RASSF6: variants seen among roughly 807,000 people sequenced by gnomAD.
The protein encoded by RASSF6 is Ras association domain family member 6.
RASSF6 carries 52 observed loss-of-function variants against 44.0 expected under a neutral mutation model. The ratio of observed to expected loss-of-function variants is 1.18; its 90% CI spans 0.95 to 1.49. The LOEUF (loss-of-function observed/expected upper bound fraction) is 1.49. Ranked by LOEUF, RASSF6 falls within the 40% of genes most tolerant of loss-of-function variation. RASSF6 has a pLI of 0.00. For missense variants in RASSF6, 464 were observed against 393.3 expected (o/e 1.18, Z -1.52); for synonymous variants, 162 against 124.6 (o/e 1.30, Z -2.00).
rs1723262179 is a variant in RASSF6 at position 73,576,727 on chromosome 4, T to C, written c.726A>G (p.Gln242=). 2 of 1,590,192 alleles carry C rather than the reference T, an allele frequency of 1.3e-6. No individual in the cohort carries two copies. Among genetic ancestry groups the C allele is most frequent in the East Asian group, 4.5e-5 (2 of 44,668 alleles). ...GAATGTCTGTCTTCTTTAGTCGTCT[T>C]TGTTCTGCAGTGAAAACAAGAATCA... ...ALHIIFATGE[Q]RRLKKTDIPL... is the part of the protein sequence containing the mutation. The change falls in exon 9 of 11, where the codon CAA becomes CAG. Residue 242 remains glutamine (Q), a synonymous_variant. Transcript: ENST00000307439.
intron 4 of RASSF6, among the ~76,000 whole-genome samples, chr4:73,590,826 G>T (rs1397762234): frequency 6.6e-6 from 1 of 152,204 alleles, no homozygotes; most frequent in African/African-American, 2.4e-5. Flanking sequence ...GGACAAGCCA[G>T]TCAAGGTTTC....
intron 2 of RASSF6, among the ~76,000 whole-genome samples, chr4:73,601,967 CT>C (rs1264023732): frequency 1.3e-5 from 2 of 152,070 alleles, no homozygotes; most frequent in African/African-American, 4.8e-5. Context: ...TGGGTGAGAG[CT>C]TTAAGGAATA....
intron 1 of RASSF6, among the ~76,000 whole-genome samples, chr4:73,617,523 T>C (rs770684560): frequency 1.3e-5 from 2 of 152,246 alleles, no homozygotes; most frequent in Non-Finnish European, 2.9e-5. Flanking sequence ...ATTCTTAGGC[T>C]GACGTCACAA....
chr4:73,587,568 G>A (rs1284036343), intron 5 of RASSF6, among the ~76,000 whole-genome samples: 4 of 151,764 alleles, frequency 2.6e-5, no homozygotes, highest in Non-Finnish European at 5.9e-5. Context: ...AAAACTATTA[G>A]CTCTCCCTAT....
intron 2 of RASSF6, among the ~76,000 whole-genome samples, chr4:73,602,167 G>A (rs1487605852): frequency 1.3e-5 from 2 of 152,228 alleles, no homozygotes; most frequent in African/African-American, 4.8e-5. Flanking sequence ...CAATGAATGA[G>A]CCCCGTGAAC....
At chr4:73,595,871 G>A (rs1724906885) in intron 3 of RASSF6, among the ~76,000 whole-genome samples, 2 of 152,144 alleles carry the variant, frequency 1.3e-5, no homozygotes, top group African/African-American at 4.8e-5. Flanking sequence ...GGAAAGGCCA[G>A]AGTGCTTTGT....
chr4:73,584,201 C>A (rs910953477), intron 6 of RASSF6, among the ~76,000 whole-genome samples: 1 of 152,042 alleles, frequency 6.6e-6, no homozygotes, highest in Non-Finnish European at 1.5e-5. Flanking sequence ...CAAAGACACA[C>A]TATCGTTACC....
intron 2 of RASSF6, 120 bp downstream of exon 2, chr4:73,611,611 T>A: frequency 1.8e-6 from 1 of 560,488 alleles, no homozygotes; most frequent in South Asian, 3.2e-5. Context: ...ATCTAGTATC[T>A]CTACTGATGA....
intron 3 of RASSF6, 66 bp from the exon 4 acceptor site, chr4:73,593,659 G>A: frequency 7.3e-7 from 1 of 1,370,956 alleles, no homozygotes; most frequent in South Asian, 1.3e-5. Context: ...ATGTTTTAAC[G>A]AAGATGTAGA....
intron 7 of RASSF6, 74 bp from the exon 8 acceptor site, chr4:73,581,942 A>G: frequency 9.1e-7 from 1 of 1,098,318 alleles, no homozygotes; most frequent in Non-Finnish European, 1.4e-6. Flanking sequence ...CCAGACCCAA[A>G]TCATGTCTGT....
intron 3 of RASSF6, among the ~76,000 whole-genome samples, chr4:73,597,810 T>C (rs1725030724): frequency 6.6e-6 from 1 of 152,172 alleles, no homozygotes; most frequent in African/African-American, 2.4e-5. Flanking sequence ...AACAAGGCCA[T>C]GTCCTTTGCA....
chr4:73,576,530 A>G (rs183675803), intron 9 of RASSF6, 23 bp from the exon 10 acceptor site: 28 of 1,557,136 alleles, frequency 1.8e-5, no homozygotes, highest in Non-Finnish European at 2.3e-5. Context: ...AAGAAGAAAA[A>G]AAAAAGAAAG....
intron 1 of RASSF6, among the ~76,000 whole-genome samples, chr4:73,620,070 C>T (rs1428958731): frequency 6.6e-6 from 1 of 152,042 alleles, no homozygotes; most frequent in Non-Finnish European, 1.5e-5. Context: ...CTTTCCCTCC[C>T]TTCTTTCCCC....
rs1722978977 is a variant in RASSF6, at chr4:73,572,692, A to G, written c.*3543T>C. The stretch of plus-strand genomic sequence containing the variant: ...TGTCTCATTTGAATAATTGATTTGA[A>G]ATTTTTTGCATTTGGTAGAACTCTG... On this transcript the variant is annotated 3_prime_UTR_variant, in exon 11 of 11. Coordinates refer to ENST00000307439, the MANE Select transcript of RASSF6 (RefSeq NM_177532.5). The G allele has an allele frequency of 6.6e-6, 1 of 152,128 alleles. No homozygotes were observed. The highest frequency in any genetic ancestry group is 2.4e-5 in the African/African-American group (1 of 41,438). The allele number at this position is 152,128 out of a possible 1,614,324, so 9.4% of individuals were successfully genotyped here.
At chr4:73,600,012 G>A (rs935698574) in intron 2 of RASSF6, among the ~76,000 whole-genome samples, 5 of 151,936 alleles carry the variant, frequency 3.3e-5, no homozygotes, top group African/African-American at 9.7e-5. Flanking sequence ...TCCCCCAAAC[G>A]TTCACCTTGC....
At chr4:73,600,971 T>G (rs774907526) in intron 2 of RASSF6, among the ~76,000 whole-genome samples, 8 of 152,186 alleles carry the variant, frequency 5.3e-5, no homozygotes, top group Non-Finnish European at 1.0e-4. Flanking sequence ...ATAAAGAAAT[T>G]TTACTGTAAA....
chr4:73,614,893 T>A (rs1224114895), intron 1 of RASSF6, among the ~76,000 whole-genome samples: 2 of 151,782 alleles, frequency 1.3e-5, no homozygotes, highest in African/African-American at 4.8e-5. Context: ...AATATTTGAG[T>A]AGGAAATAAT....
At chr4:73,609,703 G>A (rs148856321) in intron 2 of RASSF6, among the ~76,000 whole-genome samples, 304 of 152,254 alleles carry the variant, frequency 2.0e-3, no homozygotes, top group African/African-American at 6.9e-3. Context: ...AGTAAAGAGA[G>A]GGAGCTAAAA....
chr4:73,612,479 CT>C (rs766739218), intron 1 of RASSF6, among the ~76,000 whole-genome samples: 22 of 68,290 alleles, frequency 3.2e-4, no homozygotes, highest in African/African-American at 1.2e-3. Context: ...GTTCAGTTTT[CT>C]TTTTTTTTTT....
Sources: allele counts gnomAD v4.1 joint callset (sites outside exome capture counted in the v4.1 genomes callset), GRCh38; gene constraint gnomAD v4.1.1; transcripts MANE v1.5; gene names NCBI Gene and HGNC (gene_info 2026-07-23, HGNC 2026-07-21).